Variants in UBE3C observed in about 807,000 individuals in gnomAD.
UBE3C encodes the protein ubiquitin protein ligase E3C.
Under a neutral mutation model 129.4 loss-of-function variants are expected in UBE3C, and 42 were observed. The observed-to-expected ratio is 0.32, with a 90% CI of 0.25 to 0.42. The LOEUF (loss-of-function observed/expected upper bound fraction) is 0.42. Ranked by LOEUF, UBE3C falls within the 10% of genes least tolerant of loss-of-function variation. UBE3C has a pLI of 1.00. For synonymous variants in UBE3C, 510 were observed against 492.4 expected, an observed-to-expected ratio of 1.04 and a Z score of -0.47; for missense variants, 1,049 against 1,319.1, an observed-to-expected ratio of 0.80 and a Z score of 3.17.
chr7:157,253,930 G>T, intron 19 of UBE3C, 24 bp from the exon 20 acceptor site: 1 of 1,546,802 alleles, frequency 6.5e-7, no homozygotes, highest in Non-Finnish European at 8.7e-7. Flanking sequence ...AGGATTTTGA[G>T]ATCCTTACGT....
intron 10 of UBE3C, among the ~76,000 whole-genome samples, chr7:157,199,444 A>C (rs1026625579): frequency 6.6e-6 from 1 of 151,826 alleles, no homozygotes; most frequent in South Asian, 2.1e-4. Context: ...AGTCTTTTTC[A>C]GAGTGAATTT....
At chr7:157,140,452 T>C (rs964857586) in intron 1 of UBE3C, among the ~76,000 whole-genome samples, 1 of 152,216 alleles carries the variant, frequency 6.6e-6, no homozygotes, top group Non-Finnish European at 1.5e-5. Flanking sequence ...AAGTCACTTG[T>C]GCTCCAGAAC....
intron 1 of UBE3C, among the ~76,000 whole-genome samples, chr7:157,151,147 G>A (rs1288530392): frequency 6.6e-6 from 1 of 152,242 alleles, no homozygotes; most frequent in East Asian, 1.9e-4. Context: ...AAGGGCAGCA[G>A]TAGCAAAGCG....
chr7:157,237,257 C>T lies in UBE3C; in HGVS notation c.2481+5930C>T, dbSNP rs764954116. 9.2e-5 allele frequency among the ~76,000 whole-genome samples: 14 copies of T among 151,718 alleles called. No individual in the cohort carries two copies. The East Asian group carries it at 1.2e-3, about 13-fold the overall frequency. Reference sequence around the variant, plus strand: ...GAGATCGAGACCATCCTGGCTAACACGGTGAAACCCCATCTCTACTAAAAA... The same window carrying T: ...GAGATCGAGACCATCCTGGCTAACATGGTGAAACCCCATCTCTACTAAAAA... On this transcript the variant is annotated intron_variant, in intron 18 of 22. Coordinates refer to ENST00000348165, the MANE Select transcript of UBE3C (RefSeq NM_014671.3).
intron 22 of UBE3C, among the ~76,000 whole-genome samples, chr7:157,266,986 C>T (rs532808488): frequency 7.8e-4 from 119 of 152,194 alleles, no homozygotes; most frequent in Non-Finnish European, 1.5e-3. Context: ...AAGCCATCCC[C>T]CAGCTAGGCC....
chr7:157,186,203 C>T (rs1400366129), intron 9 of UBE3C, among the ~76,000 whole-genome samples: 1 of 152,072 alleles, frequency 6.6e-6, no homozygotes, highest in African/African-American at 2.4e-5. Context: ...GCAGCTGGAT[C>T]ATTTGAGGTT....
chr7:157,257,884 G>A (rs1372405068), intron 22 of UBE3C, among the ~76,000 whole-genome samples: 5 of 150,354 alleles, frequency 3.3e-5, no homozygotes, highest in African/African-American at 1.2e-4. Flanking sequence ...AATTAGATAA[G>A]TACTGTATGT....
intron 1 of UBE3C, among the ~76,000 whole-genome samples, chr7:157,142,707 C>T (rs552429453): frequency 4.6e-5 from 7 of 152,062 alleles, no homozygotes; most frequent in Admixed American, 3.3e-4. Flanking sequence ...AAGAGAGGGA[C>T]GGGGACAAGG....
chr7:157,141,586 C>T (rs1166523334), intron 1 of UBE3C, among the ~76,000 whole-genome samples: 1 of 152,164 alleles, frequency 6.6e-6, no homozygotes, highest in African/African-American at 2.4e-5. Flanking sequence ...TGCATCCAAA[C>T]GTAGATACAG....
chr7:157,195,317 T>C (rs1809087784), intron 10 of UBE3C, among the ~76,000 whole-genome samples: 1 of 152,234 alleles, frequency 6.6e-6, no homozygotes, highest in Admixed American at 6.5e-5. Flanking sequence ...GAAACACCAC[T>C]ATTTTTAACA....
chr7:157,205,558 A>C (rs1809409215), intron 11 of UBE3C, among the ~76,000 whole-genome samples: 2 of 152,308 alleles, frequency 1.3e-5, no homozygotes, highest in South Asian at 4.1e-4. Context: ...CAGTTAAGGC[A>C]GCCCTGTGCC....
chr7:157,158,668 T>C (rs763883706), intron 1 of UBE3C, among the ~76,000 whole-genome samples: 1 of 152,232 alleles, frequency 6.6e-6, no homozygotes, highest in Non-Finnish European at 1.5e-5. Context: ...CAAACTTGGT[T>C]CTGTTCACTA....
At chr7:157,265,414 G>A (rs1307704308) in intron 22 of UBE3C, among the ~76,000 whole-genome samples, 3 of 152,236 alleles carry the variant, frequency 2.0e-5, no homozygotes, top group African/African-American at 7.2e-5. Flanking sequence ...CCGGTTCTTC[G>A]TGGCCATCAG....
intron 1 of UBE3C, among the ~76,000 whole-genome samples, chr7:157,156,494 A>T (rs1287263113): frequency 6.6e-6 from 1 of 151,388 alleles, no homozygotes; most frequent in Non-Finnish European, 1.5e-5. Flanking sequence ...TTTCATAGAG[A>T]CAGGGTTTCA....
In UBE3C at chr7:157,144,220, C is replaced by T. The variant is rs559189082; in HGVS notation, c.66+4882C>T. On this transcript the variant is annotated intron_variant, in intron 1 of 22. Transcript: ENST00000348165. ...CTGAGGCGGGAGGATCGCTGGATCCCGGGAGTTCAAGGCTGCAGTGAGCTG... is the reference window on the plus strand; with the variant it reads ...CTGAGGCGGGAGGATCGCTGGATCCTGGGAGTTCAAGGCTGCAGTGAGCTG... Among the ~76,000 whole-genome samples the T allele has an allele frequency of 8.6e-4, 131 of 152,200 alleles. No homozygotes were observed. The Middle Eastern group carries it at 0.017, about 20-fold the overall frequency.
Position 157,259,764 on chromosome 7 carries a change from C to T in UBE3C, c.3081+2720C>T, listed in dbSNP as rs763817343. Among the ~76,000 whole-genome samples the T allele has an allele frequency of 2.6e-5, 4 of 152,114 alleles. No individual in the cohort carries two copies. In the East Asian group the frequency reaches 5.8e-4, roughly 22 times the overall value. ...TCGGAGAAGTGGAGCGACCCAAAAC[C>T]GGATTGTGGGGGTCGCTGCGGAACT... is the stretch of plus-strand genomic sequence containing the variant. On this transcript the variant is annotated intron_variant, in intron 22 of 22. Coordinates refer to ENST00000348165, the MANE Select transcript of UBE3C (RefSeq NM_014671.3).
intron 9 of UBE3C, 130 bp from the exon 10 acceptor site, chr7:157,186,704 T>G: frequency 1.0e-6 from 1 of 994,400 alleles, no homozygotes; most frequent in Non-Finnish European, 1.5e-6. Context: ...TGTACTGTGA[T>G]GTAGATAATT....
At chr7:157,178,341 C>G (rs1230686446) in intron 5 of UBE3C, among the ~76,000 whole-genome samples, 3 of 152,158 alleles carry the variant, frequency 2.0e-5, no homozygotes, top group Admixed American at 2.0e-4. Flanking sequence ...AGATTCGTAT[C>G]TGAGTTTAAT....
intron 18 of UBE3C, among the ~76,000 whole-genome samples, chr7:157,240,051 T>C (rs1258694169): frequency 6.6e-6 from 1 of 152,204 alleles, no homozygotes; most frequent in Non-Finnish European, 1.5e-5. Context: ...ACTCTAGGGC[T>C]AGGGCTCAGC....
Sources: gnomAD v4.1 joint callset for allele counts (sites outside exome capture counted in the v4.1 genomes callset) on GRCh38, gnomAD v4.1.1 for gene constraint, MANE v1.5 for transcripts, NCBI Gene and HGNC (gene_info 2026-07-23, HGNC 2026-07-21) for gene names.